MAP4: variants seen among roughly 807,000 people sequenced by gnomAD.
The protein encoded by MAP4 is microtubule-associated protein 4.
In MAP4, 76 loss-of-function variants were observed where a neutral mutation model predicts 170.2. The observed-to-expected ratio is 0.45, with a 90% CI of 0.37 to 0.54. MAP4 has a LOEUF of 0.54. Ranked by LOEUF, MAP4 falls within the 20% of genes least tolerant of loss-of-function variation. The probability of loss-of-function intolerance (pLI) is 0.00; values close to 1 mark genes in which losing one functional copy is unlikely to be tolerated. For synonymous variants in MAP4, 909 were observed against 994.5 expected, an observed-to-expected ratio of 0.91 and a Z score of 1.62; for missense variants, 2,506 against 2,748.0, an observed-to-expected ratio of 0.91 and a Z score of 1.97.
chr3:48,000,647 C>A (rs2100098612), intron 1 of MAP4, among the ~76,000 whole-genome samples: 1 of 152,190 alleles, frequency 6.6e-6, no homozygotes, highest in South Asian at 2.1e-4. Flanking sequence ...TGGTTGACTA[C>A]TTCAAGTCTA....
At chr3:47,923,361 T>C (rs2100044052) in intron 4 of MAP4, among the ~76,000 whole-genome samples, 2 of 151,174 alleles carry the variant, frequency 1.3e-5, no homozygotes, top group Non-Finnish European at 2.9e-5. Context: ...GGGAGACCAC[T>C]GCATCGGGAA....
intron 12 of MAP4, among the ~76,000 whole-genome samples, chr3:47,873,193 T>TA (rs1647181273): frequency 6.6e-6 from 1 of 152,200 alleles, no homozygotes; most frequent in African/African-American, 2.4e-5. Flanking sequence ...ATATCACAGC[T>TA]ACAGTCTGAA....
chr3:47,884,141 T>C (rs1319398476), intron 10 of MAP4, among the ~76,000 whole-genome samples: 1 of 152,228 alleles, frequency 6.6e-6, no homozygotes, highest in Non-Finnish European at 1.5e-5. Context: ...TCTTTTGTTA[T>C]TGTCCCATGG....
At chr3:48,088,245 G>T (rs1322867030) in intron 1 of MAP4, among the ~76,000 whole-genome samples, 1 of 142,136 alleles carries the variant, frequency 7.0e-6, no homozygotes, top group Non-Finnish European at 1.5e-5. Context: ...ACACAGTGTC[G>T]GGGCCTTTGC....
chr3:47,985,453 C>T (rs997335534), intron 2 of MAP4, among the ~76,000 whole-genome samples: 1 of 151,802 alleles, frequency 6.6e-6, no homozygotes, highest in Non-Finnish European at 1.5e-5. Flanking sequence ...TAAATAAATG[C>T]TTTTTTTTAA....
chr3:48,008,261 T>C (rs922833732), intron 1 of MAP4, among the ~76,000 whole-genome samples: 2 of 152,226 alleles, frequency 1.3e-5, no homozygotes, highest in Non-Finnish European at 2.9e-5. Flanking sequence ...CCTGCACTGA[T>C]GGCCTCATGG....
intron 1 of MAP4, among the ~76,000 whole-genome samples, chr3:48,010,831 A>G (rs1191543461): frequency 2.0e-5 from 3 of 152,260 alleles, no homozygotes; most frequent in East Asian, 3.9e-4. Context: ...CTCCCAGCCT[A>G]TATCTTTCTC....
chr3:48,067,695 G>A lies in MAP4; in HGVS notation c.-20+21078C>T, dbSNP rs1446487764. 2.6e-5 allele frequency among the ~76,000 whole-genome samples: 4 copies of A among 151,072 alleles called. No homozygotes were observed. The South Asian group carries it at 6.3e-4, about 24-fold the overall frequency. ...CACTCTGCCACCCAGGCTGGAGTGC[G>A]GTGGCACAATCTCGGCTCACTGCAA... On this transcript the variant is annotated intron_variant, in intron 1 of 18. Coordinates refer to the MAP4 transcript ENST00000360240.
intron 3 of MAP4, among the ~76,000 whole-genome samples, chr3:47,931,656 A>ATTT (rs35456237): frequency 2.4e-4 from 32 of 131,390 alleles, no homozygotes; most frequent in Admixed American, 4.1e-4. Context: ...TTTAAACAAA[A>ATTT]TTTTTTTTTT....
intron 3 of MAP4, among the ~76,000 whole-genome samples, chr3:47,951,507 G>A (rs565176099): frequency 8.5e-5 from 13 of 152,318 alleles, no homozygotes; most frequent in African/African-American, 3.1e-4. Context: ...GCGCCGCCAC[G>A]CCTGACTGGT....
intron 8 of MAP4, 81 bp from the exon 9 acceptor site, chr3:47,912,502 C>T (rs1190749725): frequency 7.9e-7 from 1 of 1,265,802 alleles, no homozygotes; most frequent in Non-Finnish European, 1.1e-6. Context: ...AAAACCAGAC[C>T]ATATAAATGA....
chr3:47,911,639 G>A lies in MAP4; in HGVS notation c.2782C>T (p.Leu928=). The A allele has an allele frequency of 6.5e-7, 1 of 1,536,066 alleles. No individual in the cohort carries two copies. ...ACATTGTATGCAGAAACTTCTGCTA[G>A]GGGTCCTTTCAGATTGAGAGGGCCT... The part of the protein sequence containing the change: ...SVGPLNLKGP[L]AEVSAYNVET... Residue 928 remains leucine (L), a synonymous_variant, in exon 9 of 21, where the codon CTA becomes TTA. Coordinates refer to ENST00000683076, the MANE Select transcript of MAP4 (RefSeq NM_001385682.1). This position sits in a 1 kb window ranked among gnomAD's most constrained non-coding sequence, Gnocchi z 4.0.
intron 10 of MAP4, among the ~76,000 whole-genome samples, chr3:47,883,469 C>A (rs1559892312): frequency 6.6e-6 from 1 of 152,226 alleles, no homozygotes; most frequent in Non-Finnish European, 1.5e-5. Context: ...AGATGATCCA[C>A]CCGCCTTGGC....
intron 2 of MAP4, chr3:47,987,496 TAA>T (rs1294529450): frequency 8.9e-7 from 1 of 1,128,210 alleles, no homozygotes; most frequent in Non-Finnish European, 1.2e-6. Context: ...AATCCAATCT[TAA>T]AGGATTTTAG....
chr3:47,872,156 C>CGT, intron 12 of MAP4, 56 bp from the exon 13 acceptor site: 1 of 1,438,232 alleles, frequency 7.0e-7, no homozygotes, highest in Non-Finnish European at 9.5e-7. Context: ...CCCAAGGAGT[C>CGT]ACGCTACAAG....
At chr3:48,025,261 G>T (rs895670097) in intron 1 of MAP4, among the ~76,000 whole-genome samples, 2 of 150,524 alleles carry the variant, frequency 1.3e-5, no homozygotes, top group Non-Finnish European at 3.0e-5. Context: ...TTTAGAAAGC[G>T]CTAATTTTAT....
Position 47,910,601 on chromosome 3 carries a change from G to A in MAP4, c.3820C>T (p.His1274Tyr). 6.5e-7 allele frequency: 1 copy of A among 1,536,098 alleles called. No homozygotes were observed. The highest frequency in any genetic ancestry group is 2.4e-5 in the East Asian group (1 of 40,912). ...FPKMHDSSFS[H>Y]TPDTPTVEAV... ...TCCACTGTGGGTGTATCTGGTGTAT[G>A]TGAGAACGAAGAATCATGCATTTTG... Residue 1274 changes from histidine (H) to tyrosine (Y), a missense_variant, in exon 9 of 21, where the codon CAT becomes TAT. By Grantham distance (83) the His-to-Tyr change is moderately conservative (BLOSUM62 2). Transcript: ENST00000683076.
chr3:48,044,144 G>A (rs1458830687), intron 1 of MAP4, among the ~76,000 whole-genome samples: 5 of 149,142 alleles, frequency 3.4e-5, no homozygotes, highest in African/African-American at 7.4e-5. Flanking sequence ...GCACCCAGCC[G>A]CTCTGTAATT....
At chr3:47,866,078 C>T (rs140622935) in intron 17 of MAP4, among the ~76,000 whole-genome samples, 3 of 152,306 alleles carry the variant, frequency 2.0e-5, no homozygotes, top group South Asian at 2.1e-4. Flanking sequence ...GTGGCTCACA[C>T]CTGTAATCCC....
Sources: gnomAD v4.1 joint callset for allele counts (sites outside exome capture counted in the v4.1 genomes callset) on GRCh38, gnomAD v4.1.1 for gene constraint, Gnocchi (gnomAD v3.1) non-coding constraint, MANE v1.5 for transcripts, NCBI Gene and HGNC (gene_info 2026-07-23, HGNC 2026-07-21) for gene names.